Variants in UIMC1 observed in about 807,000 individuals in gnomAD.
The protein encoded by UIMC1 is BRCA1-A complex subunit RAP80.
UIMC1 carries 42 observed loss-of-function variants against 84.9 expected under a neutral mutation model. That is an observed-to-expected ratio of 0.49 (90% CI 0.39 to 0.64). The LOEUF is 0.64. UIMC1 is among the 30% of genes least tolerant of loss of function. The pLI is 0.00. For missense variants in UIMC1, 825 were observed against 847.6 expected (o/e 0.97, Z 0.33); for synonymous variants, 281 against 293.0 (o/e 0.96, Z 0.42).
intron 1 of UIMC1, among the ~76,000 whole-genome samples, chr5:177,013,975 C>G (rs1436553304): frequency 6.6e-6 from 1 of 152,126 alleles, no homozygotes; most frequent in Non-Finnish European, 1.5e-5. Context: ...GTTTCACACT[C>G]CCAGAAGGAA....
In UIMC1 at chr5:176,911,167, AAAG is replaced by A. The variant is rs1322330513; in HGVS notation, c.1676+141_1676+143del. The A allele has an allele frequency of 7.4e-5, 17 of 230,532 alleles. 3 individuals carry two copies. In the East Asian group the frequency reaches 1.3e-3, roughly 18 times the overall value. 14.3% of individuals were successfully genotyped at this position (230,532 alleles called of 1,614,324 possible). ...AAAGAAAAGAAAAGAAAAGAAAAGA[AAAG>A]AAAAGAAAATTCAGGCATCCAAGCA... On this transcript the variant is annotated intron_variant, in intron 11 of 14. Transcript: ENST00000511320.
intron 1 of UIMC1, among the ~76,000 whole-genome samples, chr5:176,992,646 A>AAT (rs1773053876): frequency 6.7e-6 from 1 of 149,210 alleles, no homozygotes; most frequent in African/African-American, 2.6e-5. Flanking sequence ...AAAAAAAAAA[A>AAT]TTTTTTTTAA....
chr5:176,964,827 G>C (rs1768037576), intron 6 of UIMC1, among the ~76,000 whole-genome samples: 2 of 152,064 alleles, frequency 1.3e-5, no homozygotes, highest in African/African-American at 2.4e-5. Flanking sequence ...ATTAGCAGTG[G>C]GCTTACAGCC....
intron 10 of UIMC1, among the ~76,000 whole-genome samples, chr5:176,928,804 A>T (rs867186293): frequency 6.6e-6 from 1 of 152,056 alleles, no homozygotes; most frequent in Middle Eastern, 3.4e-3. Flanking sequence ...ACAAAAAATT[A>T]GCTGGGCATG....
At chr5:177,004,221 T>A (rs1733620102) in intron 1 of UIMC1, among the ~76,000 whole-genome samples, 1 of 152,176 alleles carries the variant, frequency 6.6e-6, no homozygotes, top group Non-Finnish European at 1.5e-5. Context: ...ATAGAACCAC[T>A]GCAGGCTCAA....
At chr5:176,977,064 A>C (rs1423883145) in intron 2 of UIMC1, among the ~76,000 whole-genome samples, 1 of 152,074 alleles carries the variant, frequency 6.6e-6, no homozygotes, top group Non-Finnish European at 1.5e-5. Flanking sequence ...CTCTACTAAA[A>C]ATACAAAAAT....
At chr5:177,011,949 C>T (rs1055218801) in intron 1 of UIMC1, among the ~76,000 whole-genome samples, 7 of 152,136 alleles carry the variant, frequency 4.6e-5, no homozygotes, top group East Asian at 1.9e-4. Flanking sequence ...TACAGGCGCC[C>T]GCCACCACGC....
Position 176,912,161 on chromosome 5 carries a change from A to G in UIMC1, c.1598-772T>C, listed in dbSNP as rs575005811. 3.9e-4 allele frequency among the ~76,000 whole-genome samples: 60 copies of G among 152,354 alleles called. No individual in the cohort carries two copies. The South Asian group carries it at 0.012, about 30-fold the overall frequency. ...GGGTTACGAGTAACTTAGGTTGTGA[A>G]GCATTTATCTAGTCCAGGGGTCAGC... is the stretch of plus-strand genomic sequence containing the variant. On this transcript the variant is annotated intron_variant, in intron 10 of 14. Coordinates refer to ENST00000511320, the MANE Select transcript of UIMC1 (RefSeq NM_001199298.2).
chr5:177,005,527 T>C (rs1175596205), intron 1 of UIMC1, among the ~76,000 whole-genome samples: 1 of 151,824 alleles, frequency 6.6e-6, no homozygotes, highest in African/African-American at 2.4e-5. Context: ...TGTGTAACAA[T>C]ACAATCCAAA....
intron 10 of UIMC1, among the ~76,000 whole-genome samples, chr5:176,933,414 G>A (rs1260483792): frequency 1.3e-5 from 2 of 152,030 alleles, no homozygotes; most frequent in African/African-American, 4.8e-5. Flanking sequence ...AGTATTTGGA[G>A]GCAAAAGGAA....
intron 10 of UIMC1, among the ~76,000 whole-genome samples, chr5:176,922,530 C>T (rs1761832650): frequency 6.6e-6 from 1 of 152,218 alleles, no homozygotes; most frequent in Admixed American, 6.5e-5. Flanking sequence ...TAGTCTCCTC[C>T]AAATTATGGT....
intron 9 of UIMC1, among the ~76,000 whole-genome samples, chr5:176,950,596 G>A (rs991940568): frequency 2.0e-5 from 3 of 151,724 alleles, no homozygotes; most frequent in Non-Finnish European, 2.9e-5. Flanking sequence ...AGGACCGGGC[G>A]CGGTGGCTCA....
chr5:176,969,304 G>C lies in UIMC1; in HGVS notation c.464-13C>G, dbSNP rs757085217. 1 of 1,587,862 alleles carries C rather than the reference G, an allele frequency of 6.3e-7. No individual in the cohort carries two copies. The highest frequency in any genetic ancestry group is 1.9e-5 in the Admixed American group (1 of 53,298). Reference sequence around the variant, plus strand: ...AGCTGCCATATGCCTGTAGGTATTTGAGAAAAAGTAGGGCTAAGGACAAAC... The same window carrying C: ...AGCTGCCATATGCCTGTAGGTATTTCAGAAAAAGTAGGGCTAAGGACAAAC... On this transcript the variant is annotated splice_polypyrimidine_tract_variant and intron_variant, in intron 5 of 14. Coordinates refer to ENST00000511320, the MANE Select transcript of UIMC1 (RefSeq NM_001199298.2).
chr5:176,967,797 G>A (rs754599039), intron 6 of UIMC1, among the ~76,000 whole-genome samples: 10 of 151,756 alleles, frequency 6.6e-5, no homozygotes, highest in South Asian at 2.1e-4. Flanking sequence ...CAGCTATTGC[G>A]ACGGGCTGAG....
At chr5:176,980,128 C>T (rs1770786631) in intron 2 of UIMC1, 1 of 152,310 alleles carries the variant, frequency 6.6e-6, no homozygotes, top group South Asian at 2.1e-4. Flanking sequence ...TACCCCTTGT[C>T]CTCAGGCCTT....
At chr5:176,927,779 C>T (rs1036403321) in intron 10 of UIMC1, among the ~76,000 whole-genome samples, 19 of 149,986 alleles carry the variant, frequency 1.3e-4, no homozygotes, top group African/African-American at 4.2e-4. Context: ...AAAAACAAAA[C>T]AAAACAAAAC....
chr5:177,001,321 G>A (rs1383196555), intron 1 of UIMC1: 4 of 152,154 alleles, frequency 2.6e-5, no homozygotes, highest in East Asian at 3.8e-4. Context: ...TTCACTGCAG[G>A]TGTGTGGATA....
intron 4 of UIMC1, 99 bp from the exon 5 acceptor site, chr5:176,969,805 ACTTTCT>A: frequency 1.1e-6 from 1 of 933,580 alleles, no homozygotes; most frequent in Non-Finnish European, 1.6e-6. Flanking sequence ...CGTTCATAAG[ACTTTCT>A]CTTTCTAAAA....
chr5:176,905,893 G>T (rs1759299540), intron 14 of UIMC1, 118 bp downstream of exon 14: 11 of 1,102,508 alleles, frequency 1.0e-5, no homozygotes, highest in African/African-American at 3.1e-5. Context: ...GGTCATAATA[G>T]TTCCACAGTG....
Sources: allele counts gnomAD v4.1 joint callset (sites outside exome capture counted in the v4.1 genomes callset), GRCh38; gene constraint gnomAD v4.1.1; transcripts MANE v1.5; gene names NCBI Gene and HGNC (gene_info 2026-07-23, HGNC 2026-07-21).